Variants in ALK observed in about 807,000 individuals in gnomAD.
ALK encodes ALK receptor tyrosine kinase, also known as ALK tyrosine kinase receptor.
Under a neutral mutation model 163.1 loss-of-function variants are expected in ALK, and 74 were observed. The ratio of observed to expected loss-of-function variants is 0.45; its 90% CI spans 0.38 to 0.55. The LOEUF is 0.55. ALK is among the 20% of genes least tolerant of loss of function. The probability of loss-of-function intolerance (pLI) is 0.00; values close to 1 mark genes in which losing one functional copy is unlikely to be tolerated. For synonymous variants in ALK, 960 were observed against 843.2 expected, an observed-to-expected ratio of 1.14 and a Z score of -2.40; for missense variants, 2,063 against 2,105.3, an observed-to-expected ratio of 0.98 and a Z score of 0.39.
chr2:29,697,912 T>C (rs554913445), intron 2 of ALK, among the ~76,000 whole-genome samples: 3 of 152,336 alleles, frequency 2.0e-5, no homozygotes, highest in African/African-American at 7.2e-5. Context: ...TCCACACCCA[T>C]AGACAGCTGG....
chr2:29,553,188 C>T (rs78296134), intron 3 of ALK, among the ~76,000 whole-genome samples: 25,297 of 152,120 alleles, frequency 0.17, 2,419 homozygotes, highest in South Asian at 0.22. Context: ...GTCATGAGGG[C>T]TCCACCCTCA....
intron 1 of ALK, among the ~76,000 whole-genome samples, chr2:29,742,368 C>A (rs909281435): frequency 1.3e-5 from 2 of 152,198 alleles, no homozygotes; most frequent in African/African-American, 4.8e-5. Context: ...TCACAGGCTG[C>A]TTGACCTGGA....
intron 12 of ALK, among the ~76,000 whole-genome samples, chr2:29,249,623 T>G (rs1664766322): frequency 6.6e-6 from 1 of 152,160 alleles, no homozygotes; most frequent in African/African-American, 2.4e-5. Flanking sequence ...CTCCTCCGAC[T>G]CCAGAGTTCT....
chr2:29,673,029 T>C (rs1287290033), intron 3 of ALK, among the ~76,000 whole-genome samples: 3 of 126,078 alleles, frequency 2.4e-5, no homozygotes, highest in African/African-American at 6.9e-5. Flanking sequence ...GGGTTGTTTG[T>C]TTTTTTCTTG....
intron 5 of ALK, among the ~76,000 whole-genome samples, chr2:29,341,476 C>T (rs781021651): frequency 2.0e-5 from 3 of 152,164 alleles, no homozygotes; most frequent in Non-Finnish European, 4.4e-5. Context: ...CCAGCTGGGC[C>T]CAGTGGCATG....
intron 3 of ALK, among the ~76,000 whole-genome samples, chr2:29,681,944 C>T (rs1051474720): frequency 6.6e-6 from 1 of 152,150 alleles, no homozygotes; most frequent in Non-Finnish European, 1.5e-5. Context: ...TGGAATTCAC[C>T]TCTCTTATCA....
chr2:29,264,079 C>T lies in ALK; in HGVS notation c.2041+11020G>A, dbSNP rs72790278. Among the ~76,000 whole-genome samples, 1,443 of 152,338 alleles carry T rather than the reference C, an allele frequency of 9.5e-3. 9 individuals carry two copies. Among genetic ancestry groups the T allele is most frequent in the Non-Finnish European group, 0.015 (1,044 of 68,034 alleles). On this transcript the variant is annotated intron_variant, in intron 11 of 28. Coordinates refer to ENST00000389048, the MANE Select transcript of ALK (RefSeq NM_004304.5). ...TCGTGCTTCTTCAGAGTTGACTGCA[C>T]GTGGCCTTCTGCCTGACTTCTTCGA... is the stretch of plus-strand genomic sequence containing the variant.
chr2:29,726,768 T>C (rs1679588203), intron 1 of ALK, among the ~76,000 whole-genome samples: 1 of 152,356 alleles, frequency 6.6e-6, no homozygotes, highest in Admixed American at 6.5e-5. Context: ...GGCTCCCTGA[T>C]GCCTTTCAGA....
At chr2:29,801,058 C>A (rs894963638) in intron 1 of ALK, among the ~76,000 whole-genome samples, 1 of 152,144 alleles carries the variant, frequency 6.6e-6, no homozygotes, top group African/African-American at 2.4e-5. Flanking sequence ...GCTCCCCCAA[C>A]CTCCCAAGAA....
At chr2:29,796,916 C>T (rs953994959) in intron 1 of ALK, among the ~76,000 whole-genome samples, 6 of 147,286 alleles carry the variant, frequency 4.1e-5, no homozygotes, top group African/African-American at 8.1e-5. Context: ...ATGCTCACAA[C>T]TTACTATCAA....
chr2:29,484,289 T>A (rs1671730380), intron 4 of ALK, among the ~76,000 whole-genome samples: 1 of 152,130 alleles, frequency 6.6e-6, no homozygotes, highest in Non-Finnish European at 1.5e-5. Flanking sequence ...CATTCTTGCA[T>A]TCTTGAGACA....
chr2:29,832,597 T>C lies in ALK; in HGVS notation c.667+87396A>G, dbSNP rs1041764788. Among the ~76,000 whole-genome samples the C allele has an allele frequency of 2.0e-5, 3 of 152,262 alleles. No homozygotes were observed. In the South Asian group the frequency reaches 6.2e-4, roughly 32 times the overall value. ...ATTTTGCCCAGAGATCTAAAGCTTC[T>C]GAACATAGCTACTTCGAGGCAATAG... On this transcript the variant is annotated intron_variant, in intron 1 of 28. Coordinates refer to ENST00000389048, the MANE Select transcript of ALK (RefSeq NM_004304.5).
chr2:29,299,622 A>G (rs1230482906), intron 8 of ALK, among the ~76,000 whole-genome samples: 1 of 152,240 alleles, frequency 6.6e-6, no homozygotes, highest in Non-Finnish European at 1.5e-5. Flanking sequence ...TTAAAAAGGC[A>G]TTTTGGCTGA....
At chr2:29,760,558 A>G (rs559338333) in intron 1 of ALK, among the ~76,000 whole-genome samples, 1 of 152,244 alleles carries the variant, frequency 6.6e-6, no homozygotes, top group Admixed American at 6.5e-5. Flanking sequence ...GTGCATTTCC[A>G]TGTCAAAATG....
chr2:29,897,507 G>A (rs1667301604), intron 1 of ALK, among the ~76,000 whole-genome samples: 1 of 152,190 alleles, frequency 6.6e-6, no homozygotes, highest in African/African-American at 2.4e-5. Context: ...CAGAGTGGGA[G>A]GTGGTGGGGT....
intron 3 of ALK, among the ~76,000 whole-genome samples, chr2:29,574,499 G>C (rs930633903): frequency 1.3e-5 from 2 of 152,194 alleles, no homozygotes; most frequent in Non-Finnish European, 2.9e-5. Context: ...TTATATGTTT[G>C]GTCCTGCCGG....
chr2:29,737,873 T>C (rs554303019), intron 1 of ALK, among the ~76,000 whole-genome samples: 1 of 151,982 alleles, frequency 6.6e-6, no homozygotes, highest in East Asian at 1.9e-4. Context: ...ATGGTTTGAG[T>C]TGTAGTTGAA....
intron 1 of ALK, among the ~76,000 whole-genome samples, chr2:29,722,994 C>T (rs1679464123): frequency 6.6e-6 from 1 of 152,190 alleles, no homozygotes; most frequent in African/African-American, 2.4e-5. Context: ...TTTACCCCTT[C>T]TCATCTTTTC....
chr2:29,757,543 T>C (rs1479718310), intron 1 of ALK, among the ~76,000 whole-genome samples: 1 of 152,156 alleles, frequency 6.6e-6, no homozygotes, highest in Non-Finnish European at 1.5e-5. Flanking sequence ...AAGTCATTTT[T>C]TCATATAAGT....
Sources: gnomAD v4.1 joint callset for allele counts (sites outside exome capture counted in the v4.1 genomes callset) on GRCh38, gnomAD v4.1.1 for gene constraint, MANE v1.5 for transcripts, NCBI Gene and HGNC (gene_info 2026-07-23, HGNC 2026-07-21) for gene names.